Variants in ATRNL1 observed in about 807,000 individuals in gnomAD.
ATRNL1 encodes the protein attractin-like protein 1.
ATRNL1 carries 95 observed loss-of-function variants against 182.7 expected under a neutral mutation model. That is an observed-to-expected ratio of 0.52 (90% CI 0.44 to 0.62). The LOEUF (loss-of-function observed/expected upper bound fraction) is 0.62. ATRNL1 is among the 20% of genes least tolerant of loss of function. The pLI, the probability that ATRNL1 is intolerant of heterozygous loss-of-function variation, is 0.00. For missense variants in ATRNL1, 1,471 were observed against 1,679.5 expected (o/e 0.88, Z 2.17); for synonymous variants, 576 against 568.3 (o/e 1.01, Z -0.19).
chr10:115,105,698 C>T (rs1843977299), intron 1 of ATRNL1, among the ~76,000 whole-genome samples: 1 of 152,232 alleles, frequency 6.6e-6, no homozygotes, highest in Admixed American at 6.5e-5. Context: ...AGGTGCAGCT[C>T]AGGCTGTGGC....
At chr10:115,443,335 T>A (rs1846791853) in intron 21 of ATRNL1, among the ~76,000 whole-genome samples, 1 of 152,010 alleles carries the variant, frequency 6.6e-6, no homozygotes, top group African/African-American at 2.4e-5. Flanking sequence ...TGTGTCTCCC[T>A]TCATCCTTTC....
intron 26 of ATRNL1, among the ~76,000 whole-genome samples, chr10:115,561,132 G>GA (rs139983743): frequency 6.0e-5 from 9 of 150,656 alleles, no homozygotes; most frequent in South Asian, 4.2e-4. Context: ...GGTGATTAAA[G>GA]AAAAAAAAAT....
At chr10:115,536,197 G>T (rs973863139) in intron 25 of ATRNL1, among the ~76,000 whole-genome samples, 3 of 152,152 alleles carry the variant, frequency 2.0e-5, no homozygotes, top group East Asian at 3.9e-4. Context: ...TTGTTTGTCT[G>T]TGCCCTGCCC....
intron 27 of ATRNL1, among the ~76,000 whole-genome samples, chr10:115,818,848 T>C (rs1320100010): frequency 1.3e-5 from 2 of 152,096 alleles, no homozygotes; most frequent in Non-Finnish European, 2.9e-5. Context: ...CCAGATGCCA[T>C]GCTAGTCACT....
At chr10:115,253,798 C>T (rs1850991307) in intron 10 of ATRNL1, among the ~76,000 whole-genome samples, 1 of 152,084 alleles carries the variant, frequency 6.6e-6, no homozygotes, top group South Asian at 2.1e-4. Context: ...GGCCCCCAAC[C>T]CCACAACAGG....
intron 27 of ATRNL1, among the ~76,000 whole-genome samples, chr10:115,732,569 A>G (rs1406209955): frequency 6.6e-6 from 1 of 152,172 alleles, no homozygotes; most frequent in East Asian, 1.9e-4. Flanking sequence ...TCTTAAGTCA[A>G]TCCTATAAAA....
intron 26 of ATRNL1, among the ~76,000 whole-genome samples, chr10:115,719,643 A>C (rs1311461705): frequency 6.6e-6 from 1 of 152,140 alleles, no homozygotes; most frequent in Admixed American, 6.6e-5. Context: ...GGATGTGATA[A>C]TTAGATAGGG....
At chr10:115,276,815 T>G (rs184778493) in intron 13 of ATRNL1, among the ~76,000 whole-genome samples, 183 of 152,300 alleles carry the variant, frequency 1.2e-3, no homozygotes, top group Non-Finnish European at 2.1e-3. Flanking sequence ...AGCTTTCTTT[T>G]ACCATTGATT....
intron 24 of ATRNL1, among the ~76,000 whole-genome samples, chr10:115,481,936 T>G (rs2134617152): frequency 6.6e-6 from 1 of 151,136 alleles, no homozygotes; most frequent in African/African-American, 2.4e-5. Context: ...ATGACTTAAT[T>G]TTTGGCAAAG....
chr10:115,139,267 G>A (rs781888825), intron 5 of ATRNL1, among the ~76,000 whole-genome samples: 1 of 152,104 alleles, frequency 6.6e-6, no homozygotes, highest in Non-Finnish European at 1.5e-5. Flanking sequence ...TGCCTGTTAC[G>A]CAGTTCCAAA....
At chr10:115,138,787 C>A (rs1378139330) in intron 5 of ATRNL1, among the ~76,000 whole-genome samples, 1 of 152,204 alleles carries the variant, frequency 6.6e-6, no homozygotes, top group Non-Finnish European at 1.5e-5. Context: ...GATTAACATT[C>A]AGCTCCTCAT....
At chr10:115,408,065 G>C (rs1423586455) in intron 20 of ATRNL1, among the ~76,000 whole-genome samples, 5 of 141,142 alleles carry the variant, frequency 3.5e-5, no homozygotes, top group Non-Finnish European at 1.5e-5. Flanking sequence ...CTGCAGTGGC[G>C]CAATCTCGGC....
chr10:115,633,229 C>T (rs543103649), intron 26 of ATRNL1, among the ~76,000 whole-genome samples: 3 of 152,146 alleles, frequency 2.0e-5, no homozygotes, highest in Admixed American at 1.3e-4. Flanking sequence ...ATATTTTAAG[C>T]GACAATCTTC....
At chr10:115,381,449 T>TA in intron 19 of ATRNL1, among the ~76,000 whole-genome samples, 1 of 144,418 alleles carries the variant, frequency 6.9e-6, no homozygotes, top group South Asian at 2.2e-4. Context: ...TTTTTTTTTT[T>TA]AGTAGACATG....
At chr10:115,348,846 T>C (rs890121093) in intron 19 of ATRNL1, among the ~76,000 whole-genome samples, 1 of 152,162 alleles carries the variant, frequency 6.6e-6, no homozygotes, top group Admixed American at 6.5e-5. Flanking sequence ...ATAATAGTTG[T>C]ACATATTTAA....
At chr10:115,135,643 G>C (rs1227170736) in intron 5 of ATRNL1, among the ~76,000 whole-genome samples, 4 of 152,112 alleles carry the variant, frequency 2.6e-5, no homozygotes, top group African/African-American at 7.2e-5. Flanking sequence ...CCATCCCCAT[G>C]AAGCTACCAA....
intron 27 of ATRNL1, among the ~76,000 whole-genome samples, chr10:115,772,229 A>G (rs949919120): frequency 2.6e-5 from 4 of 152,234 alleles, no homozygotes; most frequent in Admixed American, 2.0e-4. Context: ...AGTATTGATT[A>G]CAATATTCAC....
intron 28 of ATRNL1, among the ~76,000 whole-genome samples, chr10:115,920,183 C>T (rs1270304837): frequency 6.6e-6 from 1 of 152,178 alleles, no homozygotes; most frequent in Non-Finnish European, 1.5e-5. Context: ...ACTCCATGCC[C>T]ATGTTATGTT....
At position 115,670,333 on chromosome 10, in the gene ATRNL1, C is replaced by T. The variant is rs79332574; in HGVS notation, c.3796-56915C>T. Among the ~76,000 whole-genome samples the T allele has an allele frequency of 8.8e-3, 1,335 of 152,180 alleles. 23 individuals are homozygous for T. Among genetic ancestry groups the T allele is most frequent in the African/African-American group, 0.031 (1,267 of 41,538 alleles). On this transcript the variant is annotated intron_variant, in intron 26 of 28. Coordinates refer to ENST00000355044, the MANE Select transcript of ATRNL1 (RefSeq NM_207303.4). ...GAAAGACAATGAAAGCACATTTGCT[C>T]ATTTAATTAGTTCCAGTCATTGTTA...
Sources: gnomAD v4.1 joint callset for allele counts (sites outside exome capture counted in the v4.1 genomes callset) on GRCh38, gnomAD v4.1.1 for gene constraint, MANE v1.5 for transcripts, NCBI Gene and HGNC (gene_info 2026-07-23, HGNC 2026-07-21) for gene names.